Variants in SNX14 observed in about 807,000 individuals in gnomAD.
SNX14 encodes the protein sorting nexin-14.
A neutral mutation model predicts 133.8 loss-of-function variants in SNX14; 93 were observed. The observed-to-expected ratio is 0.70, with a 90% CI of 0.59 to 0.83. The LOEUF (loss-of-function observed/expected upper bound fraction) is 0.83, where lower values mean the gene tolerates loss of function less well. Ranked by LOEUF, SNX14 falls within the 40% of genes least tolerant of loss-of-function variation. The pLI, the probability that SNX14 is intolerant of heterozygous loss-of-function variation, is 0.00. For missense variants in SNX14, 945 were observed against 1,094.9 expected, an observed-to-expected ratio of 0.86 and a Z score of 1.93; for synonymous variants, 368 against 365.6, an observed-to-expected ratio of 1.01 and a Z score of -0.07.
rs761611312 is a variant in SNX14, at chr6:85,536,844, A to G, written c.1556T>C (p.Met519Thr). The change falls in exon 17 of 29, where the codon ATG becomes ACG. Residue 519 changes from methionine to threonine, a missense_variant. Around this residue, in one of 3 missense-constraint regions of SNX14, gnomAD observed 412 missense variants for 516.6 expected, o/e 0.80. Transcript: ENST00000314673. ...ATAATTAGGCAACATAGCTCCCTCCATTGTGGTACTTTTGAATACTCCTTT... is the reference window on the plus strand; with the variant it reads ...ATAATTAGGCAACATAGCTCCCTCCGTTGTGGTACTTTTGAATACTCCTTT... Reference protein sequence around the residue: ...KIKGVFKSTTMEGAMLPNYGV... With the variant: ...KIKGVFKSTTTEGAMLPNYGV... 22 of 1,613,476 alleles carry G rather than the reference A, an allele frequency of 1.4e-5. No individual in the cohort carries two copies. In the South Asian group the frequency reaches 2.1e-4, roughly 15 times the overall value.
chr6:85,568,831 A>G (rs1794719358), intron 4 of SNX14, among the ~76,000 whole-genome samples: 1 of 152,262 alleles, frequency 6.6e-6, no homozygotes, highest in South Asian at 2.1e-4. Context: ...ACATATAAAC[A>G]GGGATAACAA....
chr6:85,518,125 T>G, intron 21 of SNX14, 77 bp from the exon 22 acceptor site: 1 of 1,157,350 alleles, frequency 8.6e-7, no homozygotes, highest in Non-Finnish European at 1.2e-6. Flanking sequence ...CTTAACCAGG[T>G]AATTTTAAAT....
chr6:85,553,579 T>C (rs1316673905), intron 7 of SNX14, among the ~76,000 whole-genome samples: 2 of 151,994 alleles, frequency 1.3e-5, no homozygotes, highest in Non-Finnish European at 2.9e-5. Flanking sequence ...GGTCAGGAGA[T>C]CGAGACCATC....
intron 1 of SNX14, among the ~76,000 whole-genome samples, chr6:85,585,932 G>T (rs1800680430): frequency 6.7e-6 from 1 of 148,756 alleles, no homozygotes; most frequent in South Asian, 2.1e-4. Flanking sequence ...CCACTGATGT[G>T]ATGCAATGGA....
intron 17 of SNX14, among the ~76,000 whole-genome samples, 182 bp from the exon 18 acceptor site, chr6:85,533,982 CT>C (rs1781043221): frequency 6.6e-6 from 1 of 152,166 alleles, no homozygotes; most frequent in Non-Finnish European, 1.5e-5. Flanking sequence ...TAACAAGTTA[CT>C]AGCATCAACT....
rs761335873 is a variant in SNX14 at position 85,530,236 on chromosome 6, T to A, written c.1850A>T (p.Tyr617Phe). The change falls in exon 19 of 29, where the codon TAT becomes TTT. Residue 617 changes from tyrosine (Y) to phenylalanine (F), a missense_variant. Coordinates refer to ENST00000314673, the MANE Select transcript of SNX14 (RefSeq NM_153816.6). Reference sequence around the variant, plus strand: ...TGATTCAAGTACATAGAATTCAAGATATCTTCTATAGACAGACCAATGTTC... The same window carrying A: ...TGATTCAAGTACATAGAATTCAAGAAATCTTCTATAGACAGACCAATGTTC... Reference protein sequence around the residue: ...EPEHWSVYRRYLEFYVLESKL... With the variant: ...EPEHWSVYRRFLEFYVLESKL... 6.2e-7 allele frequency: 1 copy of A among 1,602,998 alleles called. No homozygotes were observed.
chr6:85,532,176 T>C (rs4441928), intron 18 of SNX14, among the ~76,000 whole-genome samples: 103,683 of 152,080 alleles, frequency 0.68, 35,744 homozygotes, highest in South Asian at 0.8. Flanking sequence ...AATAGTTGTC[T>C]TAAAGCAAAA....
Position 85,551,949 on chromosome 6 carries a change from A to G in SNX14, c.635-2070T>C, listed in dbSNP as rs186301358. ...TTGTCTCCTTTTTATAGACCTCAAA[A>G]GACTAAGTGGAAAGGCAAGTGATGC... is the stretch of plus-strand genomic sequence containing the variant. On this transcript the variant is annotated intron_variant, in intron 7 of 28. Coordinates refer to ENST00000314673, the MANE Select transcript of SNX14 (RefSeq NM_153816.6). Among the ~76,000 whole-genome samples, 190 of 152,232 alleles carry G rather than the reference A, an allele frequency of 1.2e-3. 1 individual carries two copies. Among genetic ancestry groups the G allele is most frequent in the African/African-American group, 4.2e-3 (176 of 41,544 alleles).
At chr6:85,518,511 G>T (rs1044392700) in intron 21 of SNX14, among the ~76,000 whole-genome samples, 4 of 152,160 alleles carry the variant, frequency 2.6e-5, no homozygotes, top group Non-Finnish European at 5.9e-5. Context: ...CTGAATTTTA[G>T]ATTAAGAATT....
At chr6:85,533,911 C>A in intron 17 of SNX14, 111 bp from the exon 18 acceptor site, 1 of 829,614 alleles carries the variant, frequency 1.2e-6, no homozygotes, top group South Asian at 1.9e-5. Flanking sequence ...ATTTTTAAGA[C>A]CCTGAAAGCT....
chr6:85,558,020 G>A lies in SNX14; in HGVS notation c.590C>T (p.Ala197Val). 1 of 1,592,600 alleles carries A rather than the reference G, an allele frequency of 6.3e-7. No homozygotes were observed. Among genetic ancestry groups the A allele is most frequent in the South Asian group, 1.1e-5 (1 of 89,532 alleles). Reference sequence around the variant, plus strand: ...TATCACTTCTATATGCTTCATTGCTGCTTTTAATAGTTTCTTGGTTATAAT... The same window carrying A: ...TATCACTTCTATATGCTTCATTGCTACTTTTAATAGTTTCTTGGTTATAAT... ...PSIITKKLLK[A>V]AMKHIEVIVK... is the part of the protein sequence containing the mutation. The change falls in exon 7 of 29, where the codon GCA becomes GTA. Residue 197 changes from alanine (A) to valine (V), a missense_variant. Coordinates refer to ENST00000314673, the MANE Select transcript of SNX14 (RefSeq NM_153816.6).
intron 8 of SNX14, among the ~76,000 whole-genome samples, chr6:85,548,595 C>A (rs997402699): frequency 1.3e-5 from 2 of 152,120 alleles, no homozygotes; most frequent in African/African-American, 4.8e-5. Context: ...AGTTAGAGTT[C>A]TTACTTGGCT....
At chr6:85,545,886 T>C (rs911484546) in intron 12 of SNX14, among the ~76,000 whole-genome samples, 1 of 152,212 alleles carries the variant, frequency 6.6e-6, no homozygotes, top group Non-Finnish European at 1.5e-5. Context: ...TTTCACTATG[T>C]TGCCCAGGTT....
intron 21 of SNX14, 31 bp downstream of exon 21, chr6:85,526,095 T>C: frequency 1.5e-6 from 2 of 1,358,654 alleles, no homozygotes; most frequent in African/African-American, 1.5e-5. Context: ...TTCAGCTTAT[T>C]ATCTTATAAT....
chr6:85,568,758 C>T (rs1037246868), intron 4 of SNX14, among the ~76,000 whole-genome samples: 1 of 151,958 alleles, frequency 6.6e-6, no homozygotes, highest in East Asian at 1.9e-4. Flanking sequence ...ATTAAGTGAA[C>T]AATAATTTAG....
At chr6:85,516,275 T>C (rs577793047) in intron 23 of SNX14, among the ~76,000 whole-genome samples, 9 of 151,510 alleles carry the variant, frequency 5.9e-5, no homozygotes, top group African/African-American at 2.2e-4. Flanking sequence ...TAAACAATAT[T>C]TTAATAAACA....
chr6:85,552,435 G>A (rs970124279), intron 7 of SNX14, among the ~76,000 whole-genome samples: 7 of 152,152 alleles, frequency 4.6e-5, no homozygotes, highest in Admixed American at 1.3e-4. Context: ...TGAGTACTGA[G>A]ATGGAGCAGC....
chr6:85,533,528 T>C, intron 18 of SNX14, 71 bp downstream of exon 18: 2 of 1,438,490 alleles, frequency 1.4e-6, no homozygotes, highest in Non-Finnish European at 1.9e-6. Context: ...TGGCAAAATG[T>C]TTATCATACC....
At chr6:85,530,302 G>A (rs931657855) in intron 18 of SNX14, 27 bp from the exon 19 acceptor site, 1 of 1,367,890 alleles carries the variant, frequency 7.3e-7, no homozygotes, top group Non-Finnish European at 1.0e-6. Flanking sequence ...CACACACTGA[G>A]TAACAAATAA....
Sources: allele counts gnomAD v4.1 joint callset (sites outside exome capture counted in the v4.1 genomes callset), GRCh38; gene constraint gnomAD v4.1.1; regional missense constraint gnomAD v4.1.1; transcripts MANE v1.5; gene names NCBI Gene and HGNC (gene_info 2026-07-23, HGNC 2026-07-21).